Variants in METTL15 observed in about 807,000 individuals in gnomAD.
METTL15 encodes 12S rRNA N(4)-cytidine methyltransferase METTL15.
METTL15 carries 34 observed loss-of-function variants against 38.3 expected under a neutral mutation model. The ratio of observed to expected loss-of-function variants is 0.89; its 90% confidence interval spans 0.68 to 1.18. The LOEUF (loss-of-function observed/expected upper bound fraction) is 1.18, where lower values mean the gene tolerates loss of function less well. METTL15 is among the 50% of genes most tolerant of loss of function. The pLI is 0.00. For missense variants in METTL15, 438 were observed against 498.4 expected, an observed-to-expected ratio of 0.88 and a Z score of 1.15; for synonymous variants, 162 against 170.9, an observed-to-expected ratio of 0.95 and a Z score of 0.41.
At chr11:28,269,717 C>T (rs578139294) in intron 4 of METTL15, among the ~76,000 whole-genome samples, 3 of 152,268 alleles carry the variant, frequency 2.0e-5, no homozygotes, top group East Asian at 3.9e-4. Flanking sequence ...TTAGTATAAT[C>T]AGTTAAAGAC....
intron 4 of METTL15, among the ~76,000 whole-genome samples, chr11:28,262,194 A>C (rs1014730299): frequency 7.9e-5 from 12 of 152,084 alleles, no homozygotes; most frequent in Non-Finnish European, 2.9e-5. Flanking sequence ...ACCTAGTGCT[A>C]GAAAGTTTTC....
At chr11:28,228,409 A>G (rs149866221) in intron 4 of METTL15, among the ~76,000 whole-genome samples, 47 of 152,084 alleles carry the variant, frequency 3.1e-4, no homozygotes, top group African/African-American at 8.4e-4. Flanking sequence ...ATAACATTAC[A>G]TACTTCCTAG....
At chr11:28,389,231 G>A (rs1850475082) in intron 5 of METTL15, among the ~76,000 whole-genome samples, 1 of 4,106 alleles carries the variant, frequency 2.4e-4, no homozygotes, top group South Asian at 0.025. Flanking sequence ...AGTATTTCTA[G>A]TTCTTTTTTT....
At chr11:28,239,606 G>C (rs2133901772) in intron 4 of METTL15, among the ~76,000 whole-genome samples, 1 of 152,200 alleles carries the variant, frequency 6.6e-6, no homozygotes, top group South Asian at 2.1e-4. Flanking sequence ...TTTTTCCTCT[G>C]CTATGTTGAC....
chr11:28,127,347 C>T (rs937281868), intron 3 of METTL15, among the ~76,000 whole-genome samples: 10 of 151,922 alleles, frequency 6.6e-5, no homozygotes, highest in African/African-American at 1.9e-4. Flanking sequence ...GCTGCTAGAA[C>T]GACTAGGTTG....
intron 4 of METTL15, among the ~76,000 whole-genome samples, chr11:28,212,118 G>A (rs769690922): frequency 3.2e-4 from 48 of 151,902 alleles, no homozygotes; most frequent in African/African-American, 9.4e-4. Flanking sequence ...AGTGTAATTC[G>A]TCATCTAGAA....
chr11:28,440,626 T>C (rs1851026072), intron 6 of METTL15, among the ~76,000 whole-genome samples: 1 of 152,212 alleles, frequency 6.6e-6, no homozygotes. Context: ...CATAGACTTA[T>C]TTCAACTATT....
intron 4 of METTL15, among the ~76,000 whole-genome samples, chr11:28,275,642 C>CAAAA (rs34145059): frequency 8.6e-5 from 12 of 138,858 alleles, no homozygotes; most frequent in Non-Finnish European, 1.7e-4. Flanking sequence ...ACAAAGATAC[C>CAAAA]AAAAAAAAAA....
At chr11:28,292,941 G>A (rs1456805622) in intron 5 of METTL15, among the ~76,000 whole-genome samples, 1 of 152,142 alleles carries the variant, frequency 6.6e-6, no homozygotes, top group Admixed American at 6.6e-5. Flanking sequence ...GTTCATTGTA[G>A]ATTCTGGATA....
intron 3 of METTL15, among the ~76,000 whole-genome samples, chr11:28,114,186 C>G (rs1404416734): frequency 5.9e-5 from 9 of 152,076 alleles, no homozygotes; most frequent in Admixed American, 5.9e-4. Context: ...TTTTTTGTCT[C>G]TATGAATTTG....
intron 3 of METTL15, among the ~76,000 whole-genome samples, chr11:28,121,875 A>G (rs1434795159): frequency 6.6e-6 from 1 of 152,022 alleles, no homozygotes; most frequent in Non-Finnish European, 1.5e-5. Flanking sequence ...TATTTGGGAT[A>G]AATGTAGCAT....
At position 28,238,379 on chromosome 11, in the gene METTL15, C is replaced by T. The variant is rs532042504; in HGVS notation, c.407+27181C>T. On this transcript the variant is annotated intron_variant, in intron 4 of 6. Coordinates refer to ENST00000407364, the MANE Select transcript of METTL15 (RefSeq NM_001113528.2). ...CTCAGACTGCCGTGCTAGCAATCAG[C>T]GAGACTCCGTGGGCTTAGGACCCTC... 4.6e-5 allele frequency among the ~76,000 whole-genome samples: 7 copies of T among 152,294 alleles called. No homozygotes were observed. The South Asian group carries it at 1.0e-3, about 23-fold the overall frequency.
intron 6 of METTL15, among the ~76,000 whole-genome samples, chr11:28,446,868 GT>G (rs1257647146): frequency 1.3e-5 from 2 of 151,880 alleles, no homozygotes; most frequent in Non-Finnish European, 2.9e-5. Context: ...ACTATTTATA[GT>G]TTTTACGTCT....
intron 3 of METTL15, among the ~76,000 whole-genome samples, chr11:28,209,181 G>A (rs372450239): frequency 6.6e-6 from 1 of 151,872 alleles, no homozygotes; most frequent in African/African-American, 2.4e-5. Context: ...TATTGATTGG[G>A]ACTTTCTTGT....
Position 28,299,715 on chromosome 11 carries a change from G to A in METTL15, c.778+2784G>A, listed in dbSNP as rs572911427. ...CACAAGTTCCTGTATGGGTTTCCTCGGGCTGCTGCTACTAAGTACTACAAA... is the reference window on the plus strand; with the variant it reads ...CACAAGTTCCTGTATGGGTTTCCTCAGGCTGCTGCTACTAAGTACTACAAA... On this transcript the variant is annotated intron_variant, in intron 6 of 6. Coordinates refer to ENST00000407364, the MANE Select transcript of METTL15 (RefSeq NM_001113528.2). Among the ~76,000 whole-genome samples, 7 of 152,142 alleles carry A rather than the reference G, an allele frequency of 4.6e-5. No homozygotes were observed. In the South Asian group the frequency reaches 1.2e-3, roughly 27 times the overall value.
rs572374058 is a variant in METTL15 at position 28,342,864 on chromosome 11, TATC to T, written c.*190-9225_*190-9223del. Among the ~76,000 whole-genome samples, 102 of 152,322 alleles carry T rather than the reference TATC, an allele frequency of 6.7e-4. 1 individual carries two copies. The Middle Eastern group carries it at 0.014, about 20-fold the overall frequency. ...CTGTAATACAGTATGTTCTGTCACATATCTTTGTCGTTAGCCCTACTAACCAAC... is the reference window on the plus strand; with the variant it reads ...CTGTAATACAGTATGTTCTGTCACATTTTGTCGTTAGCCCTACTAACCAAC... On this transcript the variant is annotated intron_variant and NMD_transcript_variant, in intron 3 of 7. Transcript: ENST00000532947.
rs139199909 is a variant in METTL15 at position 28,449,568 on chromosome 11, G to A, written c.*424+25204G>A. On this transcript the variant is annotated intron_variant and NMD_transcript_variant, in intron 6 of 7. Coordinates refer to the METTL15 transcript ENST00000532947. Reference sequence around the variant, plus strand: ...GGTTAAGGAAACCATAGCAATTAACGATGGCTGCATATTCTTTGATCGTCT... The same window carrying A: ...GGTTAAGGAAACCATAGCAATTAACAATGGCTGCATATTCTTTGATCGTCT... Among the ~76,000 whole-genome samples the A allele has an allele frequency of 9.1e-4, 138 of 152,202 alleles. 1 individual carries two copies. Among genetic ancestry groups the A allele is most frequent in the Non-Finnish European group, 1.3e-3 (87 of 68,016 alleles).
intron 4 of METTL15, among the ~76,000 whole-genome samples, chr11:28,271,737 A>G (rs1271052398): frequency 6.6e-6 from 1 of 152,182 alleles, no homozygotes; most frequent in Non-Finnish European, 1.5e-5. Flanking sequence ...TAATTAAACT[A>G]AAGAGCTCTG....
At chr11:28,443,476 A>G (rs1344242363) in intron 6 of METTL15, among the ~76,000 whole-genome samples, 3 of 152,064 alleles carry the variant, frequency 2.0e-5, no homozygotes, top group African/African-American at 7.3e-5. Context: ...ACAGTTCCCA[A>G]GTTTATACCC....
Sources: gnomAD v4.1 joint callset for allele counts (sites outside exome capture counted in the v4.1 genomes callset) on GRCh38, gnomAD v4.1.1 for gene constraint, MANE v1.5 for transcripts, NCBI Gene and HGNC (gene_info 2026-07-23, HGNC 2026-07-21) for gene names.